NOP58: variants seen among roughly 807,000 people sequenced by gnomAD.
NOP58 encodes the protein NOP58 ribonucleoprotein.
In NOP58, 44 loss-of-function variants were observed where a neutral mutation model predicts 71.2. The observed-to-expected ratio is 0.62, with a 90% CI of 0.49 to 0.79. The LOEUF (loss-of-function observed/expected upper bound fraction) is 0.79. Among genes scored for constraint, NOP58 ranks in the 30% least tolerant of loss-of-function variants. NOP58 has a pLI of 0.00. For missense variants in NOP58, 538 were observed against 620.2 expected (o/e 0.87, Z 1.41); for synonymous variants, 228 against 200.3 (o/e 1.14, Z -1.17).
chr2:202,292,674 T>C, intron 8 of NOP58, 103 bp from the exon 9 acceptor site: 8 of 882,370 alleles, frequency 9.1e-6, no homozygotes, highest in Non-Finnish European at 1.5e-5. Flanking sequence ...CCCAGGGTTG[T>C]GTAGCTGCTC....
intron 6 of NOP58, among the ~76,000 whole-genome samples, chr2:202,288,964 C>G (rs1688838084): frequency 6.6e-6 from 1 of 151,634 alleles, no homozygotes; most frequent in African/African-American, 2.4e-5. Flanking sequence ...ACTAAAAATA[C>G]AAAAAAGTAG....
intron 4 of NOP58, among the ~76,000 whole-genome samples, chr2:202,283,199 A>G (rs1046811169): frequency 2.0e-5 from 3 of 152,060 alleles, no homozygotes. Context: ...CTACAGGCAC[A>G]TGCCACCATG....
intron 1 of NOP58, among the ~76,000 whole-genome samples, chr2:202,272,944 C>T (rs777802686): frequency 6.6e-6 from 1 of 152,044 alleles, no homozygotes; most frequent in African/African-American, 2.4e-5. Flanking sequence ...ACTATCCTGG[C>T]TAACACGGTG....
At chr2:202,283,555 C>T (rs554252749) in intron 4 of NOP58, among the ~76,000 whole-genome samples, 1 of 151,994 alleles carries the variant, frequency 6.6e-6, no homozygotes, top group Non-Finnish European at 1.5e-5. Context: ...ATTCTCCTGC[C>T]TCAGCCTCCC....
Position 202,287,173 on chromosome 2 carries a change from G to A in NOP58, c.435-487G>A, listed in dbSNP as rs570517224. On this transcript the variant is annotated intron_variant, in intron 5 of 14. Coordinates refer to ENST00000264279, the MANE Select transcript of NOP58 (RefSeq NM_015934.5). ...CAACCTCTGCCTCCCCGGTTCAAGC[G>A]ATTCTCCTGCCTCAGCCTCCAGAGT... 2.5e-3 allele frequency among the ~76,000 whole-genome samples: 380 copies of A among 149,856 alleles called. 2 individuals carry two copies. Among genetic ancestry groups the A allele is most frequent in the African/African-American group, 8.5e-3 (347 of 40,740 alleles).
chr2:202,278,133 T>G (rs1688637773), intron 3 of NOP58, 131 bp downstream of exon 3: 2 of 757,306 alleles, frequency 2.6e-6, no homozygotes, highest in East Asian at 5.0e-5. Flanking sequence ...GATGCATTCT[T>G]ATTGGAACTG....
intron 1 of NOP58, among the ~76,000 whole-genome samples, chr2:202,272,908 G>A (rs1267427941): frequency 6.6e-6 from 1 of 152,178 alleles, no homozygotes; most frequent in Non-Finnish European, 1.5e-5. Flanking sequence ...GCCGAGGTGG[G>A]TGCATCATGA....
At chr2:202,267,083 G>T (rs1229712519) in intron 1 of NOP58, among the ~76,000 whole-genome samples, 2 of 152,128 alleles carry the variant, frequency 1.3e-5, no homozygotes, top group Non-Finnish European at 2.9e-5. Context: ...TAAGACATTC[G>T]TATCGCAAGA....
chr2:202,267,063 G>T (rs181043087), intron 1 of NOP58, among the ~76,000 whole-genome samples: 3 of 152,276 alleles, frequency 2.0e-5, no homozygotes, highest in Admixed American at 1.3e-4. Context: ...GCACTGAAAT[G>T]GTTGAATGGT....
chr2:202,291,882 A>G lies in NOP58; in HGVS notation c.780+612A>G, dbSNP rs563768843. ...TTTTAATTCTGAGTCTTATGTCTAT[A>G]TCTTGTGATTTTTTTTTCTTTCAGA... is the stretch of plus-strand genomic sequence containing the variant. On this transcript the variant is annotated intron_variant, in intron 8 of 14. Coordinates refer to ENST00000264279, the MANE Select transcript of NOP58 (RefSeq NM_015934.5). 1.1e-3 allele frequency among the ~76,000 whole-genome samples: 156 copies of G among 140,490 alleles called. 1 individual carries two copies. The highest frequency in any genetic ancestry group is 4.2e-3 in the Middle Eastern group (1 of 238). 92.2% of individuals were successfully genotyped at this position (140,490 alleles called of 152,430 possible).
intron 9 of NOP58, 142 bp downstream of exon 9, chr2:202,293,045 G>A (rs1159828116): frequency 1.1e-6 from 1 of 874,428 alleles, no homozygotes; most frequent in African/African-American, 1.6e-5. Flanking sequence ...GATCACTAAG[G>A]GCCAAGTGTT....
intron 5 of NOP58, 32 bp downstream of exon 5, chr2:202,284,513 C>T: frequency 2.5e-6 from 4 of 1,608,610 alleles, no homozygotes; most frequent in Non-Finnish European, 3.4e-6. Flanking sequence ...AGTCAACTTA[C>T]TTTTATTTGA....
intron 1 of NOP58, among the ~76,000 whole-genome samples, chr2:202,269,505 A>G (rs550436221): frequency 5.3e-5 from 8 of 152,288 alleles, no homozygotes; most frequent in African/African-American, 1.9e-4. Context: ...GTTATTGCTC[A>G]TTAACAGGGT....
intron 7 of NOP58, among the ~76,000 whole-genome samples, chr2:202,290,691 G>T (rs561158490): frequency 6.6e-6 from 1 of 151,822 alleles, no homozygotes; most frequent in East Asian, 1.9e-4. Context: ...CAGTATTGCC[G>T]TCTGTACTGT....
intron 2 of NOP58, among the ~76,000 whole-genome samples, chr2:202,276,144 G>A (rs1343281332): frequency 6.6e-6 from 1 of 152,004 alleles, no homozygotes; most frequent in Non-Finnish European, 1.5e-5. Context: ...CTCGAGACCA[G>A]CCTGGCCAAC....
At chr2:202,297,251 T>G in intron 10 of NOP58, 128 bp from the exon 11 acceptor site, 2 of 820,508 alleles carry the variant, frequency 2.4e-6, no homozygotes, top group South Asian at 4.8e-5. Context: ...TGGCAAAGGT[T>G]GAAATACGAT....
intron 6 of NOP58, 128 bp from the exon 7 acceptor site, chr2:202,290,195 A>C (rs1474002): frequency 0.15 from 101,703 of 656,266 alleles, 11,647 homozygotes; most frequent in African/African-American, 0.48. Context: ...ACTTCGTGAT[A>C]TGCCTGTCTG....
chr2:202,293,192 G>C, intron 9 of NOP58: 1 of 590,712 alleles, frequency 1.7e-6, no homozygotes, highest in South Asian at 1.4e-5. Context: ...ATGAATGCAG[G>C]AGGATAAAAC....
intron 10 of NOP58, among the ~76,000 whole-genome samples, chr2:202,296,063 A>AT (rs35805055): frequency 0.099 from 15,079 of 151,858 alleles, 971 homozygotes; most frequent in Non-Finnish European, 0.13. Flanking sequence ...TTGTGTTAGT[A>AT]TTTTTTTCCC....
Sources: gnomAD v4.1 joint callset for allele counts (sites outside exome capture counted in the v4.1 genomes callset) on GRCh38, gnomAD v4.1.1 for gene constraint, MANE v1.5 for transcripts, NCBI Gene and HGNC (gene_info 2026-07-23, HGNC 2026-07-21) for gene names.